The following LHCGR variants were observed in gnomAD, a reference collection of about 807,000 sequenced individuals.
LHCGR encodes the protein luteinizing hormone/choriogonadotropin receptor.
In LHCGR, 55 loss-of-function variants were observed where a neutral mutation model predicts 60.7. That is an observed-to-expected ratio of 0.91 (90% CI 0.73 to 1.13). The LOEUF is 1.13. Among genes scored for constraint, LHCGR ranks in the 50% most tolerant of loss-of-function variants. LHCGR has a pLI of 0.00. For synonymous variants in LHCGR, 337 were observed against 316.5 expected (o/e 1.06, Z -0.69); for missense variants, 862 against 836.0 (o/e 1.03, Z -0.38).
chr2:48,698,822 T>C (rs767149436), intron 8 of LHCGR, 22 bp from the exon 9 acceptor site: 4 of 1,585,524 alleles, frequency 2.5e-6, no homozygotes, highest in Middle Eastern at 1.7e-4. Flanking sequence ...AGGGGAGAAA[T>C]GCTTTTTATT....
intron 6 of LHCGR, chr2:48,720,957 G>T (rs944532988): frequency 6.6e-6 from 1 of 152,150 alleles, no homozygotes; most frequent in Non-Finnish European, 1.5e-5. Flanking sequence ...CCATATAAAC[G>T]TTACTGATTC....
intron 10 of LHCGR, among the ~76,000 whole-genome samples, chr2:48,689,796 C>T (rs1240147044): frequency 6.6e-6 from 1 of 152,064 alleles, no homozygotes; most frequent in Non-Finnish European, 1.5e-5. Flanking sequence ...CTCACTGCAA[C>T]CTCTGCCTCC....
intron 3 of LHCGR, among the ~76,000 whole-genome samples, 179 bp from the exon 4 acceptor site, chr2:48,725,929 C>T (rs184053942): frequency 6.6e-6 from 1 of 152,132 alleles, no homozygotes; most frequent in East Asian, 1.9e-4. Flanking sequence ...TGGTGAGAGC[C>T]AGTTCCCTAT....
chr2:48,729,258 A>G (rs1157496189), intron 2 of LHCGR, 31 bp from the exon 3 acceptor site: 1 of 1,510,654 alleles, frequency 6.6e-7, no homozygotes, highest in Non-Finnish European at 9.2e-7. Flanking sequence ...AAAAAGAGAA[A>G]GAAACATGAA....
chr2:48,745,499 T>C (rs1669659054), intron 1 of LHCGR, among the ~76,000 whole-genome samples: 1 of 152,070 alleles, frequency 6.6e-6, no homozygotes, highest in East Asian at 1.9e-4. Flanking sequence ...ATATACAACA[T>C]GGAATACCAT....
At chr2:48,700,645 C>G (rs905487641) in intron 8 of LHCGR, among the ~76,000 whole-genome samples, 1 of 152,222 alleles carries the variant, frequency 6.6e-6, no homozygotes, top group Admixed American at 6.5e-5. Context: ...GCTGTAACAG[C>G]TCTGCCTACA....
intron 8 of LHCGR, among the ~76,000 whole-genome samples, chr2:48,708,325 C>T (rs1343629246): frequency 6.6e-6 from 1 of 152,090 alleles, no homozygotes; most frequent in African/African-American, 2.4e-5. Flanking sequence ...AGGTGGGTAG[C>T]CAGCCTCTTT....
At chr2:48,702,927 G>A (rs180785307) in intron 8 of LHCGR, among the ~76,000 whole-genome samples, 1 of 152,172 alleles carries the variant, frequency 6.6e-6, no homozygotes, top group Admixed American at 6.5e-5. Context: ...ATCCTCTCCA[G>A]CATCTGTTGT....
chr2:48,724,560 A>AGTGTGGGATTAGACTGCAAC (rs1399487463), intron 4 of LHCGR, among the ~76,000 whole-genome samples: 80 of 152,298 alleles, frequency 5.3e-4, no homozygotes, highest in African/African-American at 1.9e-3. Flanking sequence ...TGGGGATAGC[A>AGTGTGGGATTAGACTGCAAC]GTGTGGGATT....
chr2:48,694,985 G>A (rs1437584073), intron 9 of LHCGR, among the ~76,000 whole-genome samples: 1 of 152,070 alleles, frequency 6.6e-6, no homozygotes, highest in African/African-American at 2.4e-5. Flanking sequence ...AGCCTTGCCA[G>A]CATCTGTTGT....
At chr2:48,726,064 G>A (rs1442225807) in intron 3 of LHCGR, among the ~76,000 whole-genome samples, 4 of 152,080 alleles carry the variant, frequency 2.6e-5, no homozygotes, top group Admixed American at 6.6e-5. Flanking sequence ...AGGGCTCCTG[G>A]CCAAGCAGAT....
chr2:48,729,315 C>G, intron 2 of LHCGR, 88 bp from the exon 3 acceptor site: 1 of 962,642 alleles, frequency 1.0e-6, no homozygotes, highest in Non-Finnish European at 1.7e-6. Context: ...TGTGACCCAA[C>G]AACTGGGGAC....
In LHCGR at chr2:48,723,416, G is replaced by C. The variant is rs760777148; in HGVS notation, c.536+40C>G. 7 of 1,368,846 alleles carry C rather than the reference G, an allele frequency of 5.1e-6. 1 individual carries two copies. Among genetic ancestry groups the C allele is most frequent in the East Asian group, 2.3e-5 (1 of 43,718 alleles). 84.8% of individuals were successfully genotyped at this position (1,368,846 alleles called of 1,614,324 possible). A position where few individuals can be genotyped will look rare whatever the true frequency, so the allele number is the denominator to read the frequency against. Reference sequence around the variant, plus strand: ...CCCAACCTAGTAGTGAGACTAGCAGGAGGCTGTATGGCAGAACACAAATCT... The same window carrying C: ...CCCAACCTAGTAGTGAGACTAGCAGCAGGCTGTATGGCAGAACACAAATCT... On this transcript the variant is annotated intron_variant, in intron 6 of 10. Transcript: ENST00000294954.
chr2:48,687,604 TA>T lies in LHCGR; in HGVS notation c.*92del. The T allele has an allele frequency of 9.1e-7, 1 of 1,101,390 alleles. No individual in the cohort carries two copies. The highest frequency in any genetic ancestry group is 1.4e-6 in the Non-Finnish European group (1 of 728,608). The allele number at this position is 1,101,390 out of a possible 1,614,324, so 68.2% of individuals were successfully genotyped here. A position where few individuals can be genotyped will look rare whatever the true frequency, so the allele number is the denominator to read the frequency against. On this transcript the variant is annotated 3_prime_UTR_variant, in exon 11 of 11. Coordinates refer to ENST00000294954, the MANE Select transcript of LHCGR (RefSeq NM_000233.4). ...ATGTACCTAAAAATAAATAATTTCC[TA>T]AATCCAACCCTTTATGTTAAAATTA...
chr2:48,735,678 A>G (rs1450586551), intron 1 of LHCGR, among the ~76,000 whole-genome samples: 1 of 152,180 alleles, frequency 6.6e-6, no homozygotes, highest in Non-Finnish European at 1.5e-5. Context: ...GAGTTGGGTT[A>G]CTTTCTGTAG....
intron 7 of LHCGR, among the ~76,000 whole-genome samples, chr2:48,712,489 C>G (rs1271108263): frequency 6.6e-6 from 1 of 152,076 alleles, no homozygotes; most frequent in African/African-American, 2.4e-5. Context: ...CCAGAGTGAA[C>G]ACTTCATTAA....
At chr2:48,709,265 G>T (rs1667859074) in intron 7 of LHCGR, among the ~76,000 whole-genome samples, 1 of 152,062 alleles carries the variant, frequency 6.6e-6, no homozygotes, top group Non-Finnish European at 1.5e-5. Context: ...GTAGAACTCT[G>T]TCCTACAGCT....
At chr2:48,750,111 A>T (rs934672818) in intron 1 of LHCGR, among the ~76,000 whole-genome samples, 13 of 152,158 alleles carry the variant, frequency 8.5e-5, no homozygotes, top group Non-Finnish European at 1.9e-4. Flanking sequence ...GAGGTGGGAC[A>T]TAAACTTTCT....
At chr2:48,712,923 A>G (rs1558845163) in intron 7 of LHCGR, among the ~76,000 whole-genome samples, 1 of 152,194 alleles carries the variant, frequency 6.6e-6, no homozygotes, top group Non-Finnish European at 1.5e-5. Context: ...CAAACGATAT[A>G]GCACATATCA....
Sources: gnomAD v4.1 joint callset for allele counts (sites outside exome capture counted in the v4.1 genomes callset) on GRCh38, gnomAD v4.1.1 for gene constraint, MANE v1.5 for transcripts, NCBI Gene and HGNC (gene_info 2026-07-23, HGNC 2026-07-21) for gene names.